Variants in TP63 observed in about 807,000 individuals in gnomAD.
The protein encoded by TP63 is tumor protein p63.
A neutral mutation model predicts 82.8 loss-of-function variants in TP63; 17 were observed. The observed-to-expected ratio is 0.21, with a 90% CI of 0.14 to 0.31. The LOEUF (loss-of-function observed/expected upper bound fraction) is 0.31. TP63 is among the 10% of genes least tolerant of loss of function. TP63 has a pLI of 1.00. For missense variants in TP63, 648 were observed against 895.3 expected (o/e 0.72, Z 3.52); for synonymous variants, 330 against 321.7 (o/e 1.03, Z -0.28).
At chr3:189,692,910 A>G (rs539171788) in intron 1 of TP63, among the ~76,000 whole-genome samples, 101 of 152,266 alleles carry the variant, frequency 6.6e-4, no homozygotes, top group Non-Finnish European at 1.2e-3. Context: ...AGTGTATTCA[A>G]ATCTATTTAA....
chr3:189,884,408 T>C (rs1341389229), intron 10 of TP63, among the ~76,000 whole-genome samples: 1 of 152,180 alleles, frequency 6.6e-6, no homozygotes, highest in Non-Finnish European at 1.5e-5. Context: ...GAAAAAACAA[T>C]AGGTGCCAGG....
At chr3:189,863,601 C>T (rs1161972673) in intron 4 of TP63, among the ~76,000 whole-genome samples, 2 of 152,268 alleles carry the variant, frequency 1.3e-5, no homozygotes, top group Admixed American at 6.5e-5. Context: ...GAGTTTAGGA[C>T]CAAACAGCCC....
chr3:189,882,139 G>T (rs1477589546), intron 10 of TP63, among the ~76,000 whole-genome samples: 1 of 151,994 alleles, frequency 6.6e-6, no homozygotes, highest in Non-Finnish European at 1.5e-5. Context: ...TTTTCAATTG[G>T]TCTAATAACT....
rs533638046 is a variant in TP63 at position 189,779,785 on chromosome 3, A to G, written c.325-28487A>G. Reference sequence around the variant, plus strand: ...TCCTTATCTGAGAATCAAGGACAATAAGACGCTGCCAACTTCACAGACTTA... The same window carrying G: ...TCCTTATCTGAGAATCAAGGACAATGAGACGCTGCCAACTTCACAGACTTA... On this transcript the variant is annotated intron_variant, in intron 3 of 13. Transcript: ENST00000264731. 6.8e-4 allele frequency among the ~76,000 whole-genome samples: 104 copies of G among 152,156 alleles called. 1 individual carries two copies. The highest frequency in any genetic ancestry group is 1.4e-3 in the Non-Finnish European group (96 of 68,030).
At chr3:189,742,243 CAAAAA>C (rs140413709) in intron 3 of TP63, among the ~76,000 whole-genome samples, 19,922 of 77,282 alleles carry the variant, frequency 0.26, 2,019 homozygotes, top group Middle Eastern at 0.32. Context: ...AACTCCATCC[CAAAAA>C]AAAAAAAAAA....
intron 4 of TP63, 63 bp downstream of exon 4, chr3:189,808,589 C>T: frequency 1.2e-6 from 2 of 1,606,584 alleles, no homozygotes; most frequent in Non-Finnish European, 1.7e-6. Flanking sequence ...TCACCACGTC[C>T]CAGGGATTTC....
At chr3:189,892,777 G>T (rs1721149811) in intron 13 of TP63, among the ~76,000 whole-genome samples, 1 of 152,156 alleles carries the variant, frequency 6.6e-6, no homozygotes, top group South Asian at 2.1e-4. Context: ...GGGTGAAAGT[G>T]CAAGACTCCG....
intron 1 of TP63, among the ~76,000 whole-genome samples, chr3:189,643,688 T>C (rs372252212): frequency 2.6e-5 from 4 of 152,350 alleles, no homozygotes; most frequent in African/African-American, 9.6e-5. Context: ...TTTTATCTTT[T>C]ATGCTTTTGC....
At chr3:189,600,920 A>G in the TP63 span, among the ~76,000 whole-genome samples, 2 of 152,240 alleles carry the variant, frequency 1.3e-5, no homozygotes, top group Non-Finnish European at 1.5e-5. Context: ...AAGAGCATAC[A>G]TACCATCTGA....
intron 9 of TP63, among the ~76,000 whole-genome samples, chr3:189,871,109 G>A (rs1440941665): frequency 2.0e-5 from 3 of 152,098 alleles, no homozygotes; most frequent in Non-Finnish European, 4.4e-5. Flanking sequence ...AACAGGAACT[G>A]CTTGAAAAAT....
intron 5 of TP63, among the ~76,000 whole-genome samples, chr3:189,866,227 T>C (rs1717707494): frequency 6.6e-6 from 1 of 152,208 alleles, no homozygotes; most frequent in Non-Finnish European, 1.5e-5. Flanking sequence ...GAAGAAGAAG[T>C]GGAAGTCATA....
At chr3:189,746,902 G>T (rs928670057) in intron 3 of TP63, among the ~76,000 whole-genome samples, 7 of 149,970 alleles carry the variant, frequency 4.7e-5, no homozygotes, top group Admixed American at 4.7e-4. Flanking sequence ...TGGAAGAAAA[G>T]GAATGAAAAA....
intron 4 of TP63, among the ~76,000 whole-genome samples, chr3:189,841,379 G>A (rs1223103426): frequency 1.3e-5 from 2 of 152,204 alleles, no homozygotes; most frequent in African/African-American, 2.4e-5. Context: ...ATACAGATGG[G>A]TGAGTGATGG....
chr3:189,756,586 G>A (rs746887828), intron 3 of TP63, among the ~76,000 whole-genome samples: 107 of 152,200 alleles, frequency 7.0e-4, no homozygotes, highest in Non-Finnish European at 1.3e-3. Context: ...ACAGGTGACA[G>A]TTCTTCCCTT....
rs1005174470 is a variant in TP63, at chr3:189,864,381, G to T, written c.729G>T (p.Arg243=). 9.9e-6 allele frequency: 16 copies of T among 1,613,990 alleles called. No individual in the cohort carries two copies. Among genetic ancestry groups the T allele is most frequent in the Non-Finnish European group, 1.3e-5 (15 of 1,179,916 alleles). ...KAEHVTEVVK[R]CPNHELSREF... ...AGCACGTCACGGAGGTGGTGAAGCG[G>T]TGCCCCAACCATGAGCTGAGCCGTG... is the stretch of plus-strand genomic sequence containing the variant. Residue 243 remains arginine (R), a synonymous_variant, in exon 5 of 14, where the codon CGG becomes CGT. Coordinates refer to ENST00000264731, the MANE Select transcript of TP63 (RefSeq NM_003722.5).
intron 1 of TP63, among the ~76,000 whole-genome samples, chr3:189,632,432 C>T (rs993212221): frequency 6.6e-6 from 1 of 152,112 alleles, no homozygotes; most frequent in African/African-American, 2.4e-5. Flanking sequence ...TCTGCTCTCT[C>T]TGGGCAGGAC....
At chr3:189,831,820 T>C (rs966343150) in intron 4 of TP63, among the ~76,000 whole-genome samples, 2 of 49,372 alleles carry the variant, frequency 4.1e-5, no homozygotes, top group Admixed American at 1.5e-4. Flanking sequence ...ATTATGCTCT[T>C]TTTTTTTTTT....
chr3:189,622,790 G>C, the TP63 span, among the ~76,000 whole-genome samples: 1 of 152,256 alleles, frequency 6.6e-6, no homozygotes, highest in Middle Eastern at 3.4e-3. Flanking sequence ...AGCCGTCTGA[G>C]TCTTAGCTTC....
chr3:189,641,590 A>G (rs1711878229), intron 1 of TP63, among the ~76,000 whole-genome samples: 1 of 152,012 alleles, frequency 6.6e-6, no homozygotes, highest in Non-Finnish European at 1.5e-5. Flanking sequence ...AAATAATCTA[A>G]TGAGCACTTT....
Sources: allele counts gnomAD v4.1 joint callset (sites outside exome capture counted in the v4.1 genomes callset), GRCh38; gene constraint gnomAD v4.1.1; transcripts MANE v1.5; gene names NCBI Gene and HGNC (gene_info 2026-07-23, HGNC 2026-07-21).